The following NDRG1 variants were observed in gnomAD, a reference collection of about 807,000 sequenced individuals.
NDRG1 encodes protein NDRG1.
In NDRG1, 32 loss-of-function variants were observed where a neutral mutation model predicts 56.9. The observed-to-expected ratio is 0.56, with a 90% CI of 0.42 to 0.76. The LOEUF is 0.76. Ranked by LOEUF, NDRG1 falls within the 30% of genes least tolerant of loss-of-function variation. The pLI, the probability that NDRG1 is intolerant of heterozygous loss-of-function variation, is 0.00. For missense variants in NDRG1, 507 were observed against 545.7 expected (o/e 0.93, Z 0.71); for synonymous variants, 211 against 204.1 (o/e 1.03, Z -0.29).
chr8:133,254,527 C>G lies in NDRG1; in HGVS notation c.594+12G>C. The G allele has an allele frequency of 6.2e-7, 1 of 1,613,982 alleles. No homozygotes were observed. Among genetic ancestry groups the G allele is most frequent in the Non-Finnish European group, 8.5e-7 (1 of 1,179,906 alleles). On this transcript the variant is annotated intron_variant, in intron 9 of 15. Transcript: ENST00000323851. ...AGCAGGAACAACAGATTTGCCAGAC[C>G]ACGCAACTCACCTTCCCAAAAAGGT...
At chr8:133,285,449 G>A (rs1424178679) in intron 1 of NDRG1, among the ~76,000 whole-genome samples, 1 of 152,172 alleles carries the variant, frequency 6.6e-6, no homozygotes, top group African/African-American at 2.4e-5. Context: ...GCTTCAGAGT[G>A]GGAACCTGGG....
chr8:133,268,633 TC>T (rs1857033639), intron 3 of NDRG1, among the ~76,000 whole-genome samples: 1 of 152,098 alleles, frequency 6.6e-6, no homozygotes, highest in Non-Finnish European at 1.5e-5. Context: ...GGGAGGCCCA[TC>T]AATCCCATTT....
rs766097692 is a variant in NDRG1, at chr8:133,258,337, C to T, written c.450+29G>A. 1.0e-4 allele frequency: 163 copies of T among 1,597,568 alleles called. 1 individual carries two copies. The South Asian group carries it at 1.2e-3, about 11-fold the overall frequency. On this transcript the variant is annotated intron_variant, in intron 7 of 15. Coordinates refer to ENST00000323851, the MANE Select transcript of NDRG1 (RefSeq NM_006096.4). The stretch of plus-strand genomic sequence containing the variant: ...TCATCTTAAAATGTTATTTAAAATG[C>T]GATTTTCAAAAAATGCCAAAGCACT...
chr8:133,264,493 C>T, intron 4 of NDRG1, 54 bp downstream of exon 4: 1 of 1,553,934 alleles, frequency 6.4e-7, no homozygotes, highest in Admixed American at 1.7e-5. Context: ...CTGCCTTTTT[C>T]CGCCACTCTC....
chr8:133,273,014 G>A (rs1857272173), intron 3 of NDRG1, among the ~76,000 whole-genome samples: 1 of 152,206 alleles, frequency 6.6e-6, no homozygotes, highest in Non-Finnish European at 1.5e-5. Flanking sequence ...CCTAAGACCA[G>A]CTCAGCTCTG....
chr8:133,278,912 CAG>C (rs1200349804), intron 3 of NDRG1, among the ~76,000 whole-genome samples: 3 of 132,996 alleles, frequency 2.3e-5, no homozygotes, highest in Non-Finnish European at 4.7e-5. Context: ...TTTTTTGAGA[CAG>C]AGTTTCACTC....
chr8:133,262,395 C>G, intron 4 of NDRG1: 1 of 547,590 alleles, frequency 1.8e-6, no homozygotes, highest in East Asian at 3.3e-5. Flanking sequence ...GGAGTGGTAG[C>G]TGGCAGATGA....
intron 1 of NDRG1, among the ~76,000 whole-genome samples, chr8:133,291,585 T>C (rs1858432100): frequency 6.6e-6 from 1 of 152,106 alleles, no homozygotes; most frequent in Non-Finnish European, 1.5e-5. Context: ...GCAAACAATA[T>C]GGGTGGATTC....
intron 1 of NDRG1, among the ~76,000 whole-genome samples, chr8:133,291,929 AAG>A (rs1163165038): frequency 6.6e-6 from 1 of 152,214 alleles, no homozygotes; most frequent in East Asian, 1.9e-4. Flanking sequence ...GGAGGTCAGC[AAG>A]AGTGTCCCAA....
chr8:133,264,616 C>T lies in NDRG1; in HGVS notation c.136G>A (p.Val46Ile), dbSNP rs780415371. ...DIETLHGSVHVTLCGTPKGNR... is the reference protein window; with the variant it reads ...DIETLHGSVHITLCGTPKGNR... The stretch of plus-strand genomic sequence containing the variant: ...CCCTTGGGAGTCCCACACAGCGTGA[C>T]GTGAACAGAGCCATGTAAAGTCTCG... The change falls in exon 4 of 16, where the codon GTC becomes ATC. Residue 46 changes from valine to isoleucine, a missense_variant. Transcript: ENST00000323851. 6.8e-6 allele frequency: 11 copies of T among 1,614,224 alleles called. No individual in the cohort carries two copies. The highest frequency in any genetic ancestry group is 5.5e-5 in the South Asian group (5 of 91,090).
intron 5 of NDRG1, among the ~76,000 whole-genome samples, chr8:133,261,834 C>A (rs981115772): frequency 2.0e-5 from 3 of 152,212 alleles, no homozygotes; most frequent in African/African-American, 7.2e-5. Flanking sequence ...ACAATGTCTG[C>A]ATGTCCTTAA....
chr8:133,284,171 G>T, intron 2 of NDRG1, 78 bp downstream of exon 2: 1 of 1,359,202 alleles, frequency 7.4e-7, no homozygotes, highest in Non-Finnish European at 1.1e-6. Context: ...ATAAGTACAA[G>T]TGTGAGCTCC....
chr8:133,273,851 AC>A (rs1857319832), intron 3 of NDRG1, among the ~76,000 whole-genome samples: 1 of 151,892 alleles, frequency 6.6e-6, no homozygotes, highest in Non-Finnish European at 1.5e-5. Flanking sequence ...GAAGTCTTGG[AC>A]TCTAGAATTC....
chr8:133,289,372 G>A (rs550512855), intron 1 of NDRG1, among the ~76,000 whole-genome samples: 2 of 152,224 alleles, frequency 1.3e-5, no homozygotes, highest in South Asian at 4.1e-4. Flanking sequence ...GGTTGCCTTG[G>A]AGATGCCAGG....
chr8:133,244,624 G>C, intron 13 of NDRG1: 1 of 618,846 alleles, frequency 1.6e-6, no homozygotes, highest in Non-Finnish European at 2.9e-6. Flanking sequence ...CAGGCACTAT[G>C]CTAGGCCCTA....
chr8:133,297,181 G>GC lies in NDRG1; in HGVS notation c.-67dup, dbSNP rs1356412833. On this transcript the variant is annotated 5_prime_UTR_variant, in exon 1 of 16. Coordinates refer to ENST00000323851, the MANE Select transcript of NDRG1 (RefSeq NM_006096.4). ...GGACGGTGCCGAGGCTGGCGGCCCA[G>GC]CGCCCCGCGGAAGCCGAGGGCGGAT... The GC allele has an allele frequency of 6.6e-6, 1 of 152,320 alleles. No homozygotes were observed. Among genetic ancestry groups the GC allele is most frequent in the Non-Finnish European group, 1.5e-5 (1 of 68,112 alleles). 9.4% of individuals were successfully genotyped at this position (152,320 alleles called of 1,614,324 possible).
intron 9 of NDRG1, among the ~76,000 whole-genome samples, chr8:133,251,387 G>C (rs978459933): frequency 5.9e-5 from 9 of 152,302 alleles, no homozygotes; most frequent in African/African-American, 1.9e-4. Flanking sequence ...GCAGCAAGGA[G>C]GTCAACTGGC....
chr8:133,263,056 T>C (rs983844636), intron 4 of NDRG1, among the ~76,000 whole-genome samples: 1 of 152,180 alleles, frequency 6.6e-6, no homozygotes, highest in Admixed American at 6.5e-5. Context: ...TTTGTTACAG[T>C]GGTAAGCCTA....
intron 9 of NDRG1, among the ~76,000 whole-genome samples, chr8:133,252,335 T>C (rs966630448): frequency 5.9e-5 from 9 of 152,212 alleles, no homozygotes; most frequent in African/African-American, 2.2e-4. Flanking sequence ...CCTCAGGTGA[T>C]CCACTCGCCT....
Sources: allele counts gnomAD v4.1 joint callset (sites outside exome capture counted in the v4.1 genomes callset), GRCh38; gene constraint gnomAD v4.1.1; transcripts MANE v1.5; gene names NCBI Gene and HGNC (gene_info 2026-07-23, HGNC 2026-07-21).